MYCBP2: variants seen among roughly 807,000 people sequenced by gnomAD.
The protein encoded by MYCBP2 is MYC binding protein 2, also known as E3 ubiquitin-protein ligase MYCBP2.
A neutral mutation model predicts 525.3 loss-of-function variants in MYCBP2; 120 were observed. The ratio of observed to expected loss-of-function variants is 0.23; its 90% confidence interval spans 0.20 to 0.27. The LOEUF is 0.27. Among genes scored for constraint, MYCBP2 ranks in the 10% least tolerant of loss-of-function variants. The pLI is 1.00. For missense variants in MYCBP2, 4,149 were observed against 5,657.1 expected (o/e 0.73, Z 8.55); for synonymous variants, 1,894 against 1,955.8 (o/e 0.97, Z 0.83).
At chr13:77,204,342 A>T (rs879284923) in intron 26 of MYCBP2, among the ~76,000 whole-genome samples, 2,582 of 148,976 alleles carry the variant, frequency 0.017, 15 homozygotes, top group Non-Finnish European at 0.029. Context: ...TCAAAACCAC[A>T]ATGAGATACC....
chr13:77,121,446 G>A lies in MYCBP2; in HGVS notation c.8067C>T (p.Phe2689=). 1 of 1,590,804 alleles carries A rather than the reference G, an allele frequency of 6.3e-7. No homozygotes were observed. Among genetic ancestry groups the A allele is most frequent in the Non-Finnish European group, 8.6e-7 (1 of 1,164,476 alleles). Residue 2689 remains phenylalanine (F), a synonymous_variant, in exon 55 of 83, where the codon TTC becomes TTT. Coordinates refer to ENST00000544440, the MANE Select transcript of MYCBP2 (RefSeq NM_015057.5). ...QNSQTPPPSP[F]SVQAFNKGAS... ...CCCCTTTATTAAAAGCTTGCACTGA[G>A]AAAGGGCTTGGAGGAGGAGTTTGAG...
intron 26 of MYCBP2, among the ~76,000 whole-genome samples, chr13:77,203,416 A>G (rs2062869085): frequency 6.6e-6 from 1 of 152,172 alleles, no homozygotes; most frequent in Non-Finnish European, 1.5e-5. Flanking sequence ...AAATGGAAGA[A>G]CATCCCATGC....
At chr13:77,322,927 A>G (rs970702499) in intron 1 of MYCBP2, among the ~76,000 whole-genome samples, 17 of 152,228 alleles carry the variant, frequency 1.1e-4, no homozygotes, top group Non-Finnish European at 2.2e-4. Context: ...GATAAATGAA[A>G]GAGTTATTCC....
chr13:77,228,019 T>C (rs1399213247), intron 18 of MYCBP2, among the ~76,000 whole-genome samples: 1 of 152,088 alleles, frequency 6.6e-6, no homozygotes, highest in Non-Finnish European at 1.5e-5. Flanking sequence ...GGTCTTAATC[T>C]TTATCAGCAG....
chr13:77,297,160 A>C (rs2078281065), intron 1 of MYCBP2, among the ~76,000 whole-genome samples: 1 of 152,248 alleles, frequency 6.6e-6, no homozygotes, highest in African/African-American at 2.4e-5. Context: ...ATTATCACAT[A>C]GTCCTAAGAC....
At chr13:77,264,134 T>C in intron 8 of MYCBP2, 132 bp from the exon 9 acceptor site, 1 of 570,554 alleles carries the variant, frequency 1.8e-6, no homozygotes, top group Non-Finnish European at 3.0e-6. Flanking sequence ...CTGTGCTTTT[T>C]AATAAAGAAT....
chr13:77,093,281 A>T lies in MYCBP2; in HGVS notation c.10251T>A (p.Asp3417Glu), dbSNP rs902356251. The change falls in exon 59 of 83, where the codon GAT becomes GAA. Residue 3417 changes from aspartate (D) to glutamate (E), a missense_variant. Asp to Glu is a conservative substitution (Grantham distance 45). This residue lies in a region of MYCBP2 where 509 missense variants were observed against 789.4 expected (regional missense o/e 0.64). Coordinates refer to ENST00000544440, the MANE Select transcript of MYCBP2 (RefSeq NM_015057.5). ...VGYQDDNLFQ[D>E]EMRYLRSTSV... ...ATGTTGAACGTAGATATCTCATTTCATCCTGGAATAGATTGTCATCTTGAT... is the reference window on the plus strand; with the variant it reads ...ATGTTGAACGTAGATATCTCATTTCTTCCTGGAATAGATTGTCATCTTGAT... 1.2e-6 allele frequency: 2 copies of T among 1,613,458 alleles called. No homozygotes were observed. Among genetic ancestry groups the T allele is most frequent in the Admixed American group, 1.7e-5 (1 of 59,970 alleles).
intron 47 of MYCBP2, among the ~76,000 whole-genome samples, chr13:77,146,754 T>C (rs998507982): frequency 2.6e-4 from 39 of 152,238 alleles, no homozygotes; most frequent in African/African-American, 9.4e-4. Flanking sequence ...GGTCATCAAA[T>C]TGTGTTGGTA....
At chr13:77,166,788 T>C (rs1289780454) in intron 40 of MYCBP2, among the ~76,000 whole-genome samples, 6 of 152,168 alleles carry the variant, frequency 3.9e-5, no homozygotes, top group African/African-American at 4.8e-5. Context: ...TATGTAATTA[T>C]GTAAAGAATT....
chr13:77,122,477 G>A (rs976859523), intron 54 of MYCBP2, among the ~76,000 whole-genome samples: 14 of 151,844 alleles, frequency 9.2e-5, no homozygotes, highest in Non-Finnish European at 1.8e-4. Flanking sequence ...CAAGGCAGGC[G>A]GATCACGAGG....
intron 17 of MYCBP2, among the ~76,000 whole-genome samples, chr13:77,239,482 A>G (rs185781740): frequency 3.9e-5 from 6 of 152,310 alleles, no homozygotes; most frequent in African/African-American, 1.4e-4. Context: ...ACTCAGATCT[A>G]TTTCCAAGAC....
At chr13:77,272,539 A>G (rs1750194873) in intron 5 of MYCBP2, 1 of 152,196 alleles carries the variant, frequency 6.6e-6, no homozygotes, top group South Asian at 2.1e-4. Context: ...TTAAACATAT[A>G]TTTAAATTAA....
chr13:77,168,610 G>A lies in MYCBP2; in HGVS notation c.5932C>T (p.Leu1978Phe), dbSNP rs2058785375. 6.2e-7 allele frequency: 1 copy of A among 1,614,034 alleles called. No individual in the cohort carries two copies. The highest frequency in any genetic ancestry group is 1.1e-5 in the South Asian group (1 of 91,074). ...TGATTCAAAATGGCAACTGACGGAAGCAATTGTTGGACAAGGCCAAAGACT... is the reference window on the plus strand; with the variant it reads ...TGATTCAAAATGGCAACTGACGGAAACAATTGTTGGACAAGGCCAAAGACT... ...VEVFGLVQQL[L>F]PSVAILNQKY... Residue 1978 changes from leucine (L) to phenylalanine (F), a missense_variant, in exon 40 of 83, where the codon CTT becomes TTT. Around this residue, in one of 21 missense-constraint regions of MYCBP2, gnomAD observed 692 missense variants for 852.7 expected, o/e 0.81. Transcript: ENST00000544440.
chr13:77,097,378 G>A lies in MYCBP2; in HGVS notation c.9776C>T (p.Ala3259Val). The A allele has an allele frequency of 6.3e-7, 1 of 1,599,038 alleles. No individual in the cohort carries two copies. Among genetic ancestry groups the A allele is most frequent in the East Asian group, 2.2e-5 (1 of 44,776 alleles). ...TCAACAGTATCATTTACCTGGGTGA[G>A]CTTGTCTCATGTGATAGGTCACCGG... ...PYPVTYHMRQ[A>V]HPGCGRYAGG... The change falls in exon 56 of 83, where the codon GCT becomes GTT. Residue 3259 changes from alanine to valine, a missense_variant. Around this residue, in one of 21 missense-constraint regions of MYCBP2, gnomAD observed 26 missense variants for 48.2 expected, o/e 0.54. Transcript: ENST00000544440.
At chr13:77,095,326 G>T (rs1302159519) in intron 58 of MYCBP2, 32 bp downstream of exon 58, 4 of 1,610,334 alleles carry the variant, frequency 2.5e-6, no homozygotes, top group Non-Finnish European at 3.4e-6. Context: ...TAATCCAAAG[G>T]TGATTAAAAA....
chr13:77,180,219 T>C lies in MYCBP2; in HGVS notation c.5041A>G (p.Asn1681Asp). ...ACGAGGTGGGAGGAGAAGAGTTCAT[T>C]TTCTCTCCTCAGGCTGTTCCTGACT... is the stretch of plus-strand genomic sequence containing the variant. ...LPVRNSLRRE[N>D]ELFSSHLVSN... Residue 1681 changes from asparagine to aspartate, a missense_variant, in exon 34 of 83, where the codon AAT (asparagine) becomes GAT (aspartate). Physicochemically the swap from Asn to Asp is conservative, Grantham distance 23 (BLOSUM62 1). Transcript: ENST00000544440. The C allele has an allele frequency of 6.2e-7, 1 of 1,613,988 alleles. No individual in the cohort carries two copies. The highest frequency in any genetic ancestry group is 8.5e-7 in the Non-Finnish European group (1 of 1,179,880).
intron 1 of MYCBP2, among the ~76,000 whole-genome samples, chr13:77,325,082 C>A (rs1401407010): frequency 6.6e-6 from 1 of 152,140 alleles, no homozygotes. Flanking sequence ...ACTGCTGTGC[C>A]CAATCCTGTA....
At chr13:77,214,883 C>T (rs182276397) in intron 21 of MYCBP2, among the ~76,000 whole-genome samples, 8 of 152,258 alleles carry the variant, frequency 5.3e-5, no homozygotes, top group Admixed American at 5.2e-4. Flanking sequence ...CCTTAGCATA[C>T]GCAGTCCATC....
intron 1 of MYCBP2, among the ~76,000 whole-genome samples, chr13:77,299,495 G>A (rs967095051): frequency 6.6e-6 from 1 of 152,088 alleles, no homozygotes; most frequent in Non-Finnish European, 1.5e-5. Flanking sequence ...TTTTCTAAAA[G>A]AGCCAGTAAT....
Sources: gnomAD v4.1 joint callset for allele counts (sites outside exome capture counted in the v4.1 genomes callset) on GRCh38, gnomAD v4.1.1 for gene constraint, gnomAD v4.1.1 regional missense constraint, MANE v1.5 for transcripts, NCBI Gene and HGNC (gene_info 2026-07-23, HGNC 2026-07-21) for gene names.